The following MEIS3 variants were observed in gnomAD, a reference collection of about 807,000 sequenced individuals.
The protein encoded by MEIS3 is Meis homeobox 3, also known as homeobox protein Meis3.
In MEIS3, 38 loss-of-function variants were observed where a neutral mutation model predicts 51.4. The ratio of observed to expected loss-of-function variants is 0.74; its 90% confidence interval spans 0.57 to 0.97. The LOEUF (loss-of-function observed/expected upper bound fraction) is 0.97, where lower values mean the gene tolerates loss of function less well. MEIS3 is among the 50% of genes least tolerant of loss of function. The pLI, the probability that MEIS3 is intolerant of heterozygous loss-of-function variation, is 0.00. For synonymous variants in MEIS3, 198 were observed against 201.8 expected (o/e 0.98, Z 0.16); for missense variants, 456 against 502.6 (o/e 0.91, Z 0.89).
chr19:47,419,027 T>C, intron 1 of MEIS3, 43 bp downstream of exon 1: 1 of 1,104,188 alleles, frequency 9.1e-7, no homozygotes, highest in Non-Finnish European at 1.1e-6. Flanking sequence ...GGACAGGGGG[T>C]GCGGAAGCGG....
At position 47,419,067 on chromosome 19, in the gene MEIS3, T is replaced by C; in HGVS notation, c.12+3A>G. On this transcript the variant is annotated splice_donor_region_variant and intron_variant, in intron 1 of 12. Coordinates refer to ENST00000558555, the MANE Select transcript of MEIS3 (RefSeq NM_001301059.2). Reference sequence around the variant, plus strand: ...GACGCGGGGTCCCCGCCCCGAGACCTACCCTCCGGGCCATGGGCTGAGGCC... The same window carrying C: ...GACGCGGGGTCCCCGCCCCGAGACCCACCCTCCGGGCCATGGGCTGAGGCC... The C allele has an allele frequency of 1.6e-6, 2 of 1,246,226 alleles. No homozygotes were observed. Among genetic ancestry groups the C allele is most frequent in the Non-Finnish European group, 2.0e-6 (2 of 996,374 alleles). 77.2% of individuals were successfully genotyped at this position (1,246,226 alleles called of 1,614,324 possible).
At chr19:47,406,438 C>G (rs779546617) in intron 12 of MEIS3, 22 bp downstream of exon 12, 1 of 1,604,290 alleles carries the variant, frequency 6.2e-7, no homozygotes, top group East Asian at 2.2e-5. Context: ...TTGCACAATC[C>G]CCAGCCCTTA....
chr19:47,406,296 T>C (rs1460792758), intron 12 of MEIS3, 164 bp downstream of exon 12: 8 of 522,266 alleles, frequency 1.5e-5, no homozygotes, highest in Admixed American at 7.0e-5. Flanking sequence ...GATGGATGGA[T>C]GGACGGACGG....
rs145447715 is a variant in MEIS3, at chr19:47,416,806, G to A, written c.343C>T (p.Gln115Ter). 75 of 1,613,446 alleles carry A rather than the reference G, an allele frequency of 4.6e-5. No homozygotes were observed. Among genetic ancestry groups the A allele is most frequent in the Non-Finnish European group, 5.9e-5 (70 of 1,179,810 alleles). Residue 115 changes from glutamine to a stop codon, truncating the protein, a stop_gained and splice_region_variant, in exon 3 of 13, where the codon CAG becomes TAG. Coordinates refer to ENST00000558555, the MANE Select transcript of MEIS3 (RefSeq NM_001301059.2). LOFTEE classifies it high-confidence loss of function. ...FNEDIAAFAKQVRSERPLFSS... is the reference protein window; with the variant it reads ...FNEDIAAFAK ...TGTGGTGGGTGGGAGGTGCCCACCTGCTTGGCAAAGGCAGCGATGTCCTCG... is the reference window on the plus strand; with the variant it reads ...TGTGGTGGGTGGGAGGTGCCCACCTACTTGGCAAAGGCAGCGATGTCCTCG...
chr19:47,417,898 GT>G (rs752995048), intron 1 of MEIS3: 2 of 586,060 alleles, frequency 3.4e-6, no homozygotes, highest in Non-Finnish European at 6.0e-6. Flanking sequence ...ACACTCATGT[GT>G]CAGTCACACC....
At chr19:47,406,558 G>A (rs762746216) in intron 11 of MEIS3, 32 bp from the exon 12 acceptor site, 139 of 1,609,656 alleles carry the variant, frequency 8.6e-5, no homozygotes, top group Non-Finnish European at 1.1e-4. Context: ...GGGTAAGTGC[G>A]TCTTTCAGAG....
intron 12 of MEIS3, 150 bp from the exon 13 acceptor site, chr19:47,403,703 C>G (rs535124086): frequency 3.1e-6 from 1 of 323,424 alleles, no homozygotes; most frequent in Non-Finnish European, 6.1e-6. Context: ...GGGAGGGTCA[C>G]AGAGAGAAGA....
chr19:47,420,963 CTCTCTCTCTCTT>C (rs1486262271), upstream of MEIS3, among the ~76,000 whole-genome samples: 13 of 145,204 alleles, frequency 9.0e-5, 1 homozygote, highest in African/African-American at 2.8e-4. Context: ...CTCTCTCTCT[CTCTCTCTCTCTT>C]CCTGGCTGTC....
At chr19:47,407,029 G>C in intron 10 of MEIS3, 50 bp downstream of exon 10, 1 of 1,586,994 alleles carries the variant, frequency 6.3e-7, no homozygotes, top group Non-Finnish European at 8.6e-7. Context: ...ACCCGGCTTT[G>C]ACGCCCTCCT....
chr19:47,417,382 C>T (rs781778493), intron 1 of MEIS3, 32 bp from the exon 2 acceptor site: 2 of 1,612,524 alleles, frequency 1.2e-6, no homozygotes, highest in Non-Finnish European at 8.5e-7. Flanking sequence ...AGGGCGGAGC[C>T]CCAGGGAGGG....
chr19:47,410,353 C>T (rs896589473), intron 6 of MEIS3, among the ~76,000 whole-genome samples: 2 of 149,686 alleles, frequency 1.3e-5, no homozygotes, highest in Non-Finnish European at 3.0e-5. Flanking sequence ...GAGGCTGAGG[C>T]GGGAGAATCG....
chr19:47,407,316 C>A (rs1305015537), intron 9 of MEIS3, 36 bp downstream of exon 9: 1 of 1,601,738 alleles, frequency 6.2e-7, no homozygotes, highest in Non-Finnish European at 8.5e-7. Flanking sequence ...GGGCTCTCGC[C>A]CCGGGCCGGC....
At chr19:47,420,833 T>C (rs1291286795), upstream of MEIS3, among the ~76,000 whole-genome samples, 1 of 151,374 alleles carries the variant, frequency 6.6e-6, no homozygotes, top group Non-Finnish European at 1.5e-5. Context: ...TTTCTGAGGC[T>C]CTTCCTCCAG....
chr19:47,409,276 TG>T (rs1971005248), intron 7 of MEIS3, 29 bp from the exon 8 acceptor site: 1 of 1,596,842 alleles, frequency 6.3e-7, no homozygotes, highest in Non-Finnish European at 8.5e-7. Flanking sequence ...GCTGTGTGTG[TG>T]GGTAGTGAAG....
At chr19:47,418,816 G>C (rs973185416) in intron 1 of MEIS3, 3 of 380,978 alleles carry the variant, frequency 7.9e-6, no homozygotes, top group African/African-American at 2.1e-5. Flanking sequence ...CAGACAGAGG[G>C]GGACAGAGGG....
chr19:47,407,669 C>T, intron 8 of MEIS3: 1 of 976,428 alleles, frequency 1.0e-6, no homozygotes, highest in Non-Finnish European at 1.4e-6. Flanking sequence ...CTGGCCAGCT[C>T]TGATTAGAGA....
At chr19:47,417,999 C>A in intron 1 of MEIS3, 1 of 437,330 alleles carries the variant, frequency 2.3e-6, no homozygotes, top group Non-Finnish European at 4.1e-6. Context: ...AGACATTTGG[C>A]ACATGGATGA....
intron 1 of MEIS3, chr19:47,417,638 G>A (rs1971515800): frequency 1.4e-6 from 1 of 702,800 alleles, no homozygotes; most frequent in Admixed American, 2.0e-5. Context: ...AAGAGATGGA[G>A]AAAGTGGCGT....
chr19:47,415,116 G>A lies in MEIS3; in HGVS notation c.397-15C>T, dbSNP rs374535168. 2.5e-5 allele frequency: 38 copies of A among 1,521,596 alleles called. No individual in the cohort carries two copies. Among genetic ancestry groups the A allele is most frequent in the Middle Eastern group, 2.3e-4 (1 of 4,438 alleles). The allele number at this position is 1,521,596 out of a possible 1,614,324, so 94.3% of individuals were successfully genotyped here. The stretch of plus-strand genomic sequence containing the variant: ...GCCTGGATCATCTGAAAACGTGGGC[G>A]GGAGGTGGGGGGAGACAGAGGGAAT... On this transcript the variant is annotated splice_polypyrimidine_tract_variant and intron_variant, in intron 4 of 12. Transcript: ENST00000558555.
Sources: gnomAD v4.1 joint callset for allele counts (sites outside exome capture counted in the v4.1 genomes callset) on GRCh38, gnomAD v4.1.1 for gene constraint, MANE v1.5 for transcripts, NCBI Gene and HGNC (gene_info 2026-07-23, HGNC 2026-07-21) for gene names.